Variants in HECTD4 observed in about 807,000 individuals in gnomAD.
HECTD4 encodes probable E3 ubiquitin-protein ligase HECTD4.
HECTD4 carries 114 observed loss-of-function variants against 471.5 expected under a neutral mutation model. That is an observed-to-expected ratio of 0.24 (90% CI 0.21 to 0.28). The LOEUF (loss-of-function observed/expected upper bound fraction) is 0.28, where lower values mean the gene tolerates loss of function less well. HECTD4 is among the 10% of genes least tolerant of loss of function. HECTD4 has a pLI of 1.00. For missense variants in HECTD4, 3,866 were observed against 5,651.5 expected (o/e 0.68, Z 10.13); for synonymous variants, 2,012 against 2,256.0 (o/e 0.89, Z 3.07).
rs377699660 is a variant in HECTD4 at position 112,243,832 on chromosome 12, C to T, written c.4649+42G>A. 3.3e-5 allele frequency: 53 copies of T among 1,611,400 alleles called. No homozygotes were observed. Among genetic ancestry groups the T allele is most frequent in the African/African-American group, 1.3e-5 (1 of 74,880 alleles). On this transcript the variant is annotated intron_variant, in intron 30 of 75. Coordinates refer to ENST00000682272, the MANE Select transcript of HECTD4 (RefSeq NM_001388303.1). This position sits in a 1 kb window ranked among gnomAD's most constrained non-coding sequence, Gnocchi z 6.6. Reference sequence around the variant, plus strand: ...GGGAGCTTGTTTTGATGAATGCATTCAGCTGCATGTGGGAACCCAACCCCG... The same window carrying T: ...GGGAGCTTGTTTTGATGAATGCATTTAGCTGCATGTGGGAACCCAACCCCG...
chr12:112,336,658 T>C (rs1327251329), intron 1 of HECTD4, among the ~76,000 whole-genome samples: 1 of 152,126 alleles, frequency 6.6e-6, no homozygotes, highest in Non-Finnish European at 1.5e-5. Context: ...AGTACTCATC[T>C]TTTGATATAT....
At chr12:112,255,830 A>T (rs2033995683) in intron 21 of HECTD4, among the ~76,000 whole-genome samples, 1 of 152,086 alleles carries the variant, frequency 6.6e-6, no homozygotes. Flanking sequence ...GTTGGAAACT[A>T]CTCTTCCTCA....
intron 66 of HECTD4, among the ~76,000 whole-genome samples, chr12:112,174,233 T>A (rs972221049): frequency 3.3e-5 from 5 of 151,938 alleles, no homozygotes; most frequent in Admixed American, 2.0e-4. Context: ...CCTCCCAAAG[T>A]GCTGGGATTA....
intron 45 of HECTD4, among the ~76,000 whole-genome samples, chr12:112,218,642 T>C (rs1055153048): frequency 1.3e-5 from 2 of 152,236 alleles, no homozygotes; most frequent in Non-Finnish European, 2.9e-5. Context: ...ATTTTATTTA[T>C]TCATCAGTTG....
intron 1 of HECTD4, among the ~76,000 whole-genome samples, chr12:112,361,033 C>CT (rs1182901564): frequency 6.6e-6 from 1 of 150,594 alleles, no homozygotes; most frequent in Non-Finnish European, 1.5e-5. Flanking sequence ...TAGTCAACTA[C>CT]ATTAATAAAG....
chr12:112,212,226 ATTG>A (rs1283579240), intron 49 of HECTD4, among the ~76,000 whole-genome samples: 1 of 152,206 alleles, frequency 6.6e-6, no homozygotes, highest in Admixed American at 6.5e-5. Flanking sequence ...TGTTCCTTGC[ATTG>A]TTGTCTGGGA....
intron 62 of HECTD4, among the ~76,000 whole-genome samples, chr12:112,181,894 C>G (rs1361703247): frequency 6.6e-6 from 1 of 152,160 alleles, no homozygotes; most frequent in Non-Finnish European, 1.5e-5. Flanking sequence ...GAGTTCGAGA[C>G]CAGCCTGGCC....
At chr12:112,368,886 G>A (rs1043927280) in intron 1 of HECTD4, among the ~76,000 whole-genome samples, 16 of 152,096 alleles carry the variant, frequency 1.1e-4, no homozygotes, top group African/African-American at 3.1e-4. Flanking sequence ...AAAAAATGTG[G>A]AATCACTCAT....
intron 44 of HECTD4, among the ~76,000 whole-genome samples, chr12:112,225,459 G>A (rs1166440015): frequency 1.3e-5 from 2 of 151,740 alleles, no homozygotes; most frequent in African/African-American, 4.8e-5. Flanking sequence ...TTTCACTTAG[G>A]GTCCAGTTAT....
chr12:112,300,293 G>A (rs1333987578), intron 7 of HECTD4, among the ~76,000 whole-genome samples: 2 of 146,880 alleles, frequency 1.4e-5, no homozygotes, highest in African/African-American at 2.5e-5. Context: ...GAGTGACAGA[G>A]GAAGATTCCA....
At chr12:112,170,962 G>T in intron 68 of HECTD4, 155 bp downstream of exon 68, 1 of 580,290 alleles carries the variant, frequency 1.7e-6, no homozygotes, top group Non-Finnish European at 3.0e-6. Context: ...TGGGCCTGTT[G>T]CTCCAGAGGA....
At chr12:112,225,327 C>CA (rs201230586) in intron 44 of HECTD4, among the ~76,000 whole-genome samples, 2,928 of 61,314 alleles carry the variant, frequency 0.048, 38 homozygotes, top group East Asian at 0.088. Context: ...TTTAAAAGAC[C>CA]AAAAAAAAAA....
chr12:112,308,249 C>A (rs972850349), intron 6 of HECTD4, among the ~76,000 whole-genome samples: 1 of 152,094 alleles, frequency 6.6e-6, no homozygotes, highest in South Asian at 2.1e-4. Context: ...CAGGTAACTG[C>A]AGTATAATAC....
At position 112,193,719 on chromosome 12, in the gene HECTD4, C is replaced by T. The variant is rs375506647; in HGVS notation, c.8750-45G>A. 675 of 1,544,228 alleles carry T rather than the reference C, an allele frequency of 4.4e-4. 6 individuals are homozygous for T. The highest frequency in any genetic ancestry group is 1.7e-4 in the Middle Eastern group (1 of 5,856). Reference sequence around the variant, plus strand: ...AGAAGTTGACAAGAATCAAAGCAGCCAGTAGCTGTGAGAGTCTAAGTAACA... The same window carrying T: ...AGAAGTTGACAAGAATCAAAGCAGCTAGTAGCTGTGAGAGTCTAAGTAACA... On this transcript the variant is annotated intron_variant, in intron 56 of 75. Coordinates refer to ENST00000682272, the MANE Select transcript of HECTD4 (RefSeq NM_001388303.1). The surrounding 1 kb of genome is among the most constrained non-coding windows in gnomAD (Gnocchi z 5.2).
At position 112,248,402 on chromosome 12, in the gene HECTD4, T is replaced by A. The variant is rs780777845; in HGVS notation, c.4061A>T (p.Glu1354Val). ...QSLINFQYQEEHAEEYDLLCK... is the reference protein window; with the variant it reads ...QSLINFQYQEVHAEEYDLLCK... Reference sequence around the variant, plus strand: ...TAATAAATCATATTCTTCAGCATGTTCTTCTTGATATTGGAAATTTATTAG... The same window carrying A: ...TAATAAATCATATTCTTCAGCATGTACTTCTTGATATTGGAAATTTATTAG... The change falls in exon 26 of 76, where the codon GAA becomes GTA. Residue 1354 changes from glutamate (E) to valine (V), a missense_variant. Around this residue, in one of 16 missense-constraint regions of HECTD4, gnomAD observed 281 missense variants for 499.9 expected, o/e 0.56. Transcript: ENST00000682272. The A allele has an allele frequency of 3.7e-6, 6 of 1,611,474 alleles. No individual in the cohort carries two copies. In the South Asian group the frequency reaches 6.6e-5, roughly 18 times the overall value.
At chr12:112,275,816 A>G (rs1042349727) in intron 9 of HECTD4, among the ~76,000 whole-genome samples, 2 of 152,154 alleles carry the variant, frequency 1.3e-5, no homozygotes, top group African/African-American at 4.8e-5. Flanking sequence ...CTACTGTTTC[A>G]TTAAACAAAA....
chr12:112,361,608 A>C (rs1438719695), intron 1 of HECTD4, among the ~76,000 whole-genome samples: 2 of 152,126 alleles, frequency 1.3e-5, no homozygotes, highest in African/African-American at 4.8e-5. Flanking sequence ...TTTATAACCA[A>C]GAAATTGAAA....
Position 112,243,362 on chromosome 12 carries a change from C to T in HECTD4, c.4949G>A (p.Gly1650Glu), listed in dbSNP as rs2033684718. The T allele has an allele frequency of 1.2e-6, 2 of 1,611,372 alleles. No homozygotes were observed. Among genetic ancestry groups the T allele is most frequent in the Non-Finnish European group, 1.7e-6 (2 of 1,178,624 alleles). Residue 1650 changes from glycine (G) to glutamate (E), a missense_variant, in exon 32 of 76, where the codon GGA (glycine) becomes GAA (glutamate). Around this residue, in one of 16 missense-constraint regions of HECTD4, gnomAD observed 229 missense variants for 386.4 expected, o/e 0.59. Transcript: ENST00000682272. This position sits in a 1 kb window ranked among gnomAD's most constrained non-coding sequence, Gnocchi z 6.6. ...AACAGAAACAACTAACCTGGGTCCT[C>T]CCTGAAGGACCATCGTCACTGGACC... Reference protein sequence around the residue: ...LVGPVTMVLQGGPRIEELTCG... With the variant: ...LVGPVTMVLQEGPRIEELTCG...
At chr12:112,257,907 C>A (rs189567856) in intron 20 of HECTD4, among the ~76,000 whole-genome samples, 1 of 152,048 alleles carries the variant, frequency 6.6e-6, no homozygotes, top group Non-Finnish European at 1.5e-5. Context: ...AAGAAACAGC[C>A]GGCAGGGTGT....
Sources: allele counts gnomAD v4.1 joint callset (sites outside exome capture counted in the v4.1 genomes callset), GRCh38; gene constraint gnomAD v4.1.1; regional missense constraint gnomAD v4.1.1; non-coding constraint Gnocchi (gnomAD v3.1); transcripts MANE v1.5; gene names NCBI Gene and HGNC (gene_info 2026-07-23, HGNC 2026-07-21).